DYNC2H1: variants seen among roughly 807,000 people sequenced by gnomAD.
DYNC2H1 encodes cytoplasmic dynein 2 heavy chain 1.
Under a neutral mutation model 570.0 loss-of-function variants are expected in DYNC2H1, and 410 were observed. The observed-to-expected ratio is 0.72, with a 90% confidence interval of 0.66 to 0.78. The LOEUF (loss-of-function observed/expected upper bound fraction) is 0.78. Ranked by LOEUF, DYNC2H1 falls within the 30% of genes least tolerant of loss-of-function variation. DYNC2H1 has a pLI of 0.00. For missense variants in DYNC2H1, 4,865 were observed against 5,046.4 expected (o/e 0.96, Z 1.09); for synonymous variants, 1,688 against 1,677.6 (o/e 1.01, Z -0.15).
intron 83 of DYNC2H1, among the ~76,000 whole-genome samples, chr11:103,370,910 C>T (rs1941118758): frequency 6.6e-6 from 1 of 151,896 alleles, no homozygotes; most frequent in African/African-American, 2.4e-5. Flanking sequence ...GCCGAGACAC[C>T]AAAGAACACC....
chr11:103,250,428 G>A (rs1864783785), intron 65 of DYNC2H1, among the ~76,000 whole-genome samples: 1 of 151,950 alleles, frequency 6.6e-6, no homozygotes, highest in Admixed American at 6.6e-5. Context: ...GCTGTGTTTG[G>A]ACTCCTATTG....
At chr11:103,419,665 C>T (rs1943412150) in intron 84 of DYNC2H1, among the ~76,000 whole-genome samples, 1 of 151,928 alleles carries the variant, frequency 6.6e-6, no homozygotes, top group African/African-American at 2.4e-5. Context: ...TAGATGAGCC[C>T]ACAAAGATGA....
chr11:103,313,356 T>A (rs1189101056), intron 79 of DYNC2H1, among the ~76,000 whole-genome samples: 1 of 152,240 alleles, frequency 6.6e-6, no homozygotes, highest in East Asian at 1.9e-4. Context: ...TCCATTGCCA[T>A]GGCAGTCATA....
intron 63 of DYNC2H1, among the ~76,000 whole-genome samples, chr11:103,242,811 C>T (rs1864469552): frequency 6.6e-6 from 1 of 151,948 alleles, no homozygotes; most frequent in Non-Finnish European, 1.5e-5. Context: ...GCCTCTGCCT[C>T]CAGGGTTCAA....
At chr11:103,417,990 T>TA (rs58195879) in intron 84 of DYNC2H1, among the ~76,000 whole-genome samples, 2,160 of 135,460 alleles carry the variant, frequency 0.016, 10 homozygotes, top group Middle Eastern at 0.025. Flanking sequence ...TAGTCGTGAT[T>TA]AAAAAAAAAA....
intron 75 of DYNC2H1, among the ~76,000 whole-genome samples, chr11:103,298,430 A>G (rs895088631): frequency 1.1e-4 from 16 of 151,994 alleles, no homozygotes; most frequent in African/African-American, 3.9e-4. Flanking sequence ...CTCCCCATCA[A>G]CTCTTTGAAA....
At chr11:103,321,280 C>T (rs749148773) in intron 81 of DYNC2H1, 43 bp downstream of exon 81, 10 of 1,493,548 alleles carry the variant, frequency 6.7e-6, no homozygotes, top group African/African-American at 1.4e-5. Context: ...CAGGTAGATA[C>T]GTGAATCATT....
intron 65 of DYNC2H1, among the ~76,000 whole-genome samples, chr11:103,250,914 T>C (rs11225631): frequency 0.019 from 2,882 of 152,146 alleles, 41 homozygotes; most frequent in Non-Finnish European, 0.028. Flanking sequence ...AGTATTTTAA[T>C]TTTTTGAATT....
chr11:103,220,059 A>G lies in DYNC2H1; in HGVS notation c.8946+31A>G, dbSNP rs77991013. 2.5e-3 allele frequency: 3,098 copies of G among 1,245,676 alleles called. 59 individuals are homozygous for G. The African/African-American group carries it at 0.041, about 17-fold the overall frequency. 77.2% of individuals were successfully genotyped at this position (1,245,676 alleles called of 1,614,324 possible). A position where few individuals can be genotyped will look rare whatever the true frequency, so the allele number is the denominator to read the frequency against. ...TTAAAAAACATTCTAAGATCCATTT[A>G]CATTTTTGCTTACCAGTTATATGTA... On this transcript the variant is annotated intron_variant, in intron 56 of 88. Transcript: ENST00000375735.
At chr11:103,474,629 A>G (rs1343124843) in intron 88 of DYNC2H1, among the ~76,000 whole-genome samples, 2 of 152,166 alleles carry the variant, frequency 1.3e-5, no homozygotes, top group African/African-American at 2.4e-5. Flanking sequence ...ATATAGTACA[A>G]TAGGTATTTT....
intron 30 of DYNC2H1, among the ~76,000 whole-genome samples, chr11:103,165,596 G>A (rs751392392): frequency 6.6e-6 from 1 of 152,196 alleles, no homozygotes. Context: ...TTTCTGAAGA[G>A]AGGGGAAGAA....
At chr11:103,391,770 C>A (rs1382766025) in intron 83 of DYNC2H1, among the ~76,000 whole-genome samples, 1 of 152,196 alleles carries the variant, frequency 6.6e-6, no homozygotes, top group African/African-American at 2.4e-5. Flanking sequence ...CGCTCCAGAC[C>A]CTGTTTGCCT....
intron 88 of DYNC2H1, among the ~76,000 whole-genome samples, chr11:103,470,786 G>C (rs1030181011): frequency 1.3e-5 from 2 of 152,160 alleles, no homozygotes; most frequent in Non-Finnish European, 2.9e-5. Flanking sequence ...TGGTGTATAT[G>C]TGCCACATTT....
Position 103,255,543 on chromosome 11 carries a change from C to G in DYNC2H1, c.10326+9C>G. On this transcript the variant is annotated intron_variant, in intron 67 of 88. Coordinates refer to ENST00000375735, the MANE Select transcript of DYNC2H1 (RefSeq NM_001377.3). The stretch of plus-strand genomic sequence containing the variant: ...AAGAATCTCTTCTAGAGGTAAAAGT[C>G]TAGCTATTTAGGTTACTTTTTTCGT... 6.6e-7 allele frequency: 1 copy of G among 1,525,854 alleles called. No homozygotes were observed. The highest frequency in any genetic ancestry group is 8.8e-7 in the Non-Finnish European group (1 of 1,138,536). 94.5% of individuals were successfully genotyped at this position (1,525,854 alleles called of 1,614,324 possible). A position where few individuals can be genotyped will look rare whatever the true frequency, so the allele number is the denominator to read the frequency against.
At chr11:103,242,150 A>G (rs768328665) in intron 63 of DYNC2H1, among the ~76,000 whole-genome samples, 25 of 152,106 alleles carry the variant, frequency 1.6e-4, no homozygotes, top group Non-Finnish European at 2.9e-4. Flanking sequence ...ATACATTTTT[A>G]TATAACACAT....
Position 103,133,210 on chromosome 11 carries a change from C to T in DYNC2H1, c.1954-345C>T, listed in dbSNP as rs953411807. On this transcript the variant is annotated intron_variant, in intron 13 of 88. Coordinates refer to ENST00000375735, the MANE Select transcript of DYNC2H1 (RefSeq NM_001377.3). The surrounding 1 kb of genome is among the most constrained non-coding windows in gnomAD (Gnocchi z 4.8). The stretch of plus-strand genomic sequence containing the variant: ...GGTTCCAGATTGGAATCTTCTCTAG[C>T]GCCCTGTCCTGGATGTATAGGAGAT... Among the ~76,000 whole-genome samples the T allele has an allele frequency of 2.0e-5, 3 of 152,070 alleles. No homozygotes were observed. Among genetic ancestry groups the T allele is most frequent in the African/African-American group, 7.2e-5 (3 of 41,412 alleles).
At chr11:103,444,463 T>C (rs1045248188) in intron 85 of DYNC2H1, among the ~76,000 whole-genome samples, 1 of 152,152 alleles carries the variant, frequency 6.6e-6, no homozygotes, top group African/African-American at 2.4e-5. Flanking sequence ...ATTAATATTA[T>C]ATATTTCCGG....
intron 60 of DYNC2H1, among the ~76,000 whole-genome samples, 155 bp from the exon 61 acceptor site, chr11:103,233,877 TGG>T (rs71066144): frequency 0.45 from 38,308 of 85,532 alleles, 5,574 homozygotes; most frequent in Admixed American, 0.58. Context: ...TGTGTGTGTG[TGG>T]GTTTGTCTCT....
chr11:103,373,467 A>C (rs900705131), intron 83 of DYNC2H1, among the ~76,000 whole-genome samples: 1 of 152,142 alleles, frequency 6.6e-6, no homozygotes, highest in African/African-American at 2.4e-5. Flanking sequence ...ACTGGTTATT[A>C]GGGGCATGTT....
Sources: gnomAD v4.1 joint callset for allele counts (sites outside exome capture counted in the v4.1 genomes callset) on GRCh38, gnomAD v4.1.1 for gene constraint, Gnocchi (gnomAD v3.1) non-coding constraint, MANE v1.5 for transcripts, NCBI Gene and HGNC (gene_info 2026-07-23, HGNC 2026-07-21) for gene names.